The following ACVR2A variants were observed in gnomAD, a reference collection of about 807,000 sequenced individuals.
ACVR2A encodes activin receptor type-2A.
A neutral mutation model predicts 61.4 loss-of-function variants in ACVR2A; 7 were observed. The ratio of observed to expected loss-of-function variants is 0.11; its 90% CI spans 0.06 to 0.21. The LOEUF (loss-of-function observed/expected upper bound fraction) is 0.21, where lower values mean the gene tolerates loss of function less well. ACVR2A is among the 10% of genes least tolerant of loss of function. The probability of loss-of-function intolerance (pLI) is 1.00; values close to 1 mark genes in which losing one functional copy is unlikely to be tolerated. For missense variants in ACVR2A, 322 were observed against 621.7 expected, an observed-to-expected ratio of 0.52 and a Z score of 5.13; for synonymous variants, 193 against 208.3, an observed-to-expected ratio of 0.93 and a Z score of 0.63.
intron 2 of ACVR2A, 122 bp from the exon 3 acceptor site, chr2:147,899,336 A>G: frequency 7.8e-6 from 5 of 643,258 alleles, no homozygotes; most frequent in Non-Finnish European, 9.4e-6. Context: ...TTAGATATAA[A>G]TACGAATCTT....
intron 1 of ACVR2A, among the ~76,000 whole-genome samples, chr2:147,878,701 A>T (rs1686219464): frequency 6.6e-6 from 1 of 151,920 alleles, no homozygotes; most frequent in Non-Finnish European, 1.5e-5. Context: ...TTGAGCTCAG[A>T]AGTTTGAGAC....
intron 1 of ACVR2A, among the ~76,000 whole-genome samples, chr2:147,859,678 TTTTG>T (rs1158480880): frequency 3.9e-5 from 6 of 152,028 alleles, no homozygotes; most frequent in Non-Finnish European, 5.9e-5. Flanking sequence ...TCCTGAGTTT[TTTTG>T]TTTGTTTGTT....
At chr2:147,870,389 G>A (rs1685981850) in intron 1 of ACVR2A, among the ~76,000 whole-genome samples, 1 of 151,960 alleles carries the variant, frequency 6.6e-6, no homozygotes, top group African/African-American at 2.4e-5. Flanking sequence ...TTTAGTCTTT[G>A]GGTGAAGTAT....
At chr2:147,864,827 C>T (rs1049612241) in intron 1 of ACVR2A, among the ~76,000 whole-genome samples, 6 of 152,060 alleles carry the variant, frequency 3.9e-5, no homozygotes, top group East Asian at 1.9e-4. Flanking sequence ...CTACTATGTT[C>T]GTCTCATTGT....
chr2:147,852,364 T>A (rs929591524), intron 1 of ACVR2A, among the ~76,000 whole-genome samples: 2 of 152,116 alleles, frequency 1.3e-5, no homozygotes, highest in African/African-American at 2.4e-5. Context: ...TCGTGACCCA[T>A]TAATTGATTC....
intron 1 of ACVR2A, among the ~76,000 whole-genome samples, chr2:147,879,802 G>A (rs1334721310): frequency 1.3e-5 from 2 of 152,142 alleles, no homozygotes; most frequent in Admixed American, 6.5e-5. Flanking sequence ...TGATTAGATG[G>A]GATAAAATGG....
intron 2 of ACVR2A, chr2:147,898,222 TTTGA>T (rs1686788821): frequency 6.6e-6 from 1 of 152,044 alleles, no homozygotes; most frequent in African/African-American, 2.4e-5. Context: ...ATACTCTAAA[TTTGA>T]TTGAAAACAA....
At chr2:147,887,720 C>A (rs1451008673) in intron 1 of ACVR2A, among the ~76,000 whole-genome samples, 1 of 152,070 alleles carries the variant, frequency 6.6e-6, no homozygotes, top group Non-Finnish European at 1.5e-5. Flanking sequence ...ATATGCAGTA[C>A]TTATTTTTTA....
rs747912004 is a variant in ACVR2A, at chr2:147,928,222, A to G, written c.*948A>G. On this transcript the variant is annotated 3_prime_UTR_variant, in exon 11 of 11. Transcript: ENST00000241416. Reference sequence around the variant, plus strand: ...TTGAAAATTTAAAGCATGATTTAAAATTTTTTAAAGTGAGCTGTGACACTG... The same window carrying G: ...TTGAAAATTTAAAGCATGATTTAAAGTTTTTTAAAGTGAGCTGTGACACTG... 6.6e-6 allele frequency: 1 copy of G among 152,234 alleles called. No homozygotes were observed. The highest frequency in any genetic ancestry group is 1.9e-4 in the East Asian group (1 of 5,190). The allele number at this position is 152,234 out of a possible 1,614,324, so 9.4% of individuals were successfully genotyped here. A position where few individuals can be genotyped will look rare whatever the true frequency, so the allele number is the denominator to read the frequency against.
intron 4 of ACVR2A, among the ~76,000 whole-genome samples, chr2:147,905,341 A>G (rs544818194): frequency 4.7e-4 from 71 of 152,198 alleles, no homozygotes; most frequent in African/African-American, 1.6e-3. Context: ...GAAATGTAAT[A>G]GAGTTTTATT....
chr2:147,902,602 A>G (rs531344951), intron 4 of ACVR2A, among the ~76,000 whole-genome samples: 60 of 152,170 alleles, frequency 3.9e-4, no homozygotes, highest in Non-Finnish European at 7.7e-4. Flanking sequence ...TGTGTTTTCC[A>G]TTAAAAATTT....
chr2:147,910,192 A>G (rs1366000779), intron 4 of ACVR2A, among the ~76,000 whole-genome samples: 1 of 152,064 alleles, frequency 6.6e-6, no homozygotes, highest in African/African-American at 2.4e-5. Flanking sequence ...GGGTTATTTT[A>G]TAGCTTATCC....
At chr2:147,914,797 T>C (rs1044824995) in intron 4 of ACVR2A, among the ~76,000 whole-genome samples, 2 of 151,998 alleles carry the variant, frequency 1.3e-5, no homozygotes, top group Admixed American at 1.3e-4. Flanking sequence ...ATAGTCATAA[T>C]TTGCTGTTTC....
chr2:147,906,973 G>A (rs1687001964), intron 4 of ACVR2A, among the ~76,000 whole-genome samples: 1 of 151,898 alleles, frequency 6.6e-6, no homozygotes, highest in South Asian at 2.1e-4. Flanking sequence ...TATTTGTCCT[G>A]ATGCTCCCCT....
intron 4 of ACVR2A, among the ~76,000 whole-genome samples, chr2:147,902,569 A>G (rs900759927): frequency 5.3e-5 from 8 of 152,042 alleles, no homozygotes; most frequent in African/African-American, 1.9e-4. Flanking sequence ...AAGAAGTCAT[A>G]GATACATAGA....
At chr2:147,874,334 A>G (rs1171802590) in intron 1 of ACVR2A, among the ~76,000 whole-genome samples, 2 of 151,962 alleles carry the variant, frequency 1.3e-5, no homozygotes, top group African/African-American at 4.8e-5. Flanking sequence ...TTATATATGT[A>G]GCAACTTTGA....
chr2:147,925,957 A>G (rs1020939825), intron 9 of ACVR2A, 74 bp from the exon 10 acceptor site: 1 of 1,468,074 alleles, frequency 6.8e-7, no homozygotes, highest in Non-Finnish European at 9.3e-7. Context: ...AGTATATTTT[A>G]GAAAGTTTGT....
chr2:147,915,595 TTAAA>T (rs1393426177), intron 5 of ACVR2A, among the ~76,000 whole-genome samples: 3 of 151,936 alleles, frequency 2.0e-5, no homozygotes, highest in Admixed American at 6.6e-5. Context: ...AATAGAAATG[TTAAA>T]TAAAGATAAA....
intron 1 of ACVR2A, among the ~76,000 whole-genome samples, chr2:147,850,029 A>G (rs916770319): frequency 6.6e-6 from 1 of 152,144 alleles, no homozygotes; most frequent in African/African-American, 2.4e-5. Context: ...GCCAGTTGCC[A>G]TGTTGTCTCA....
Sources: allele counts gnomAD v4.1 joint callset (sites outside exome capture counted in the v4.1 genomes callset), GRCh38; gene constraint gnomAD v4.1.1; transcripts MANE v1.5; gene names NCBI Gene and HGNC (gene_info 2026-07-23, HGNC 2026-07-21).